COL24A1: variants seen among roughly 807,000 people sequenced by gnomAD.
COL24A1 encodes the protein collagen type XXIV alpha 1 chain.
A neutral mutation model predicts 253.9 loss-of-function variants in COL24A1; 224 were observed. The ratio of observed to expected loss-of-function variants is 0.88; its 90% CI spans 0.79 to 0.99. COL24A1 has a LOEUF of 0.99. Ranked by LOEUF, COL24A1 falls within the 50% of genes least tolerant of loss-of-function variation. COL24A1 has a pLI of 0.00. For synonymous variants in COL24A1, 685 were observed against 673.7 expected, an observed-to-expected ratio of 1.02 and a Z score of -0.26; for missense variants, 2,131 against 2,068.5, an observed-to-expected ratio of 1.03 and a Z score of -0.59.
At chr1:86,110,792 C>T (rs75877396) in intron 5 of COL24A1, among the ~76,000 whole-genome samples, 1 of 151,802 alleles carries the variant, frequency 6.6e-6, no homozygotes, top group African/African-American at 2.4e-5. Context: ...GGCAGGGCTC[C>T]GGACCTGCAG....
chr1:85,971,730 T>C (rs540659833), intron 20 of COL24A1, among the ~76,000 whole-genome samples: 5 of 152,264 alleles, frequency 3.3e-5, no homozygotes, highest in Admixed American at 3.3e-4. Flanking sequence ...AATAGAGTGT[T>C]CACAAAGTCT....
At chr1:85,978,877 C>T (rs1026636624) in intron 20 of COL24A1, among the ~76,000 whole-genome samples, 1 of 152,106 alleles carries the variant, frequency 6.6e-6, no homozygotes, top group African/African-American at 2.4e-5. Context: ...CCAACAACTG[C>T]AGAATAGACA....
intron 58 of COL24A1, among the ~76,000 whole-genome samples, chr1:85,735,415 A>T (rs1663942262): frequency 1.3e-5 from 2 of 152,280 alleles, no homozygotes; most frequent in South Asian, 4.2e-4. Context: ...TTTAATAAAA[A>T]TCTGAGATTC....
At chr1:85,837,040 C>T (rs990195660) in intron 43 of COL24A1, among the ~76,000 whole-genome samples, 10 of 152,084 alleles carry the variant, frequency 6.6e-5, no homozygotes, top group East Asian at 1.9e-4. Context: ...CTGGTTTTCC[C>T]GAGACTGTGT....
intron 7 of COL24A1, among the ~76,000 whole-genome samples, chr1:86,064,680 T>C (rs1442019675): frequency 6.6e-6 from 1 of 152,180 alleles, no homozygotes; most frequent in Non-Finnish European, 1.5e-5. Context: ...AAGACAAATT[T>C]CCTGGGTTTC....
chr1:85,771,396 C>T (rs2101316176), intron 53 of COL24A1, among the ~76,000 whole-genome samples: 1 of 152,212 alleles, frequency 6.6e-6, no homozygotes, highest in South Asian at 2.1e-4. Flanking sequence ...ATGATGGTTT[C>T]CAGCTTCATC....
chr1:85,745,408 C>T (rs776266265), intron 56 of COL24A1, 33 bp downstream of exon 56: 38 of 1,509,566 alleles, frequency 2.5e-5, no homozygotes, highest in East Asian at 9.3e-5. Context: ...TATTGAGAGA[C>T]AGTGCCAATA....
intron 20 of COL24A1, among the ~76,000 whole-genome samples, chr1:85,987,121 A>C (rs905590319): frequency 4.6e-5 from 7 of 151,842 alleles, no homozygotes; most frequent in African/African-American, 1.7e-4. Context: ...CATCATGATG[A>C]GTTTCAATAA....
chr1:85,767,068 C>T (rs1371333359), intron 53 of COL24A1, among the ~76,000 whole-genome samples: 1 of 151,686 alleles, frequency 6.6e-6, no homozygotes, highest in African/African-American at 2.4e-5. Context: ...TGCGCCACTG[C>T]ACTCCAGCCT....
intron 2 of COL24A1, among the ~76,000 whole-genome samples, chr1:86,145,814 C>T (rs1651797028): frequency 6.6e-6 from 1 of 151,826 alleles, no homozygotes; most frequent in African/African-American, 2.4e-5. Context: ...GTTTGCCACC[C>T]CCAAGAACTC....
chr1:85,977,903 G>T (rs1309151353), intron 20 of COL24A1, among the ~76,000 whole-genome samples: 2 of 152,038 alleles, frequency 1.3e-5, no homozygotes, highest in African/African-American at 4.8e-5. Flanking sequence ...ATCACAAAAA[G>T]ATCACCACCT....
At chr1:85,850,210 A>G (rs946658530) in intron 37 of COL24A1, among the ~76,000 whole-genome samples, 4 of 152,172 alleles carry the variant, frequency 2.6e-5, no homozygotes, top group African/African-American at 9.6e-5. Context: ...TGAGTTCCAC[A>G]GTAAGCCAGG....
chr1:85,736,480 C>T, intron 58 of COL24A1: 2 of 456,212 alleles, frequency 4.4e-6, no homozygotes, highest in South Asian at 3.1e-5. Flanking sequence ...TATCATGCTG[C>T]TCTTTATTAG....
intron 12 of COL24A1, among the ~76,000 whole-genome samples, chr1:86,040,301 T>C (rs142019502): frequency 1.3e-5 from 2 of 152,030 alleles, no homozygotes; most frequent in Non-Finnish European, 2.9e-5. Context: ...CTCTTTTTTT[T>C]TTCTTTTCTT....
chr1:85,870,076 A>T (rs1680271317), intron 35 of COL24A1, among the ~76,000 whole-genome samples: 4 of 152,212 alleles, frequency 2.6e-5, no homozygotes, highest in Admixed American at 2.6e-4. Flanking sequence ...ACTTTAAACC[A>T]ACAAAGATCA....
chr1:85,899,753 C>G (rs976700280), intron 28 of COL24A1, among the ~76,000 whole-genome samples: 1 of 152,160 alleles, frequency 6.6e-6, no homozygotes, highest in African/African-American at 2.4e-5. Flanking sequence ...CTGCATCTAG[C>G]TGGAGTAAGT....
intron 23 of COL24A1, among the ~76,000 whole-genome samples, chr1:85,963,597 T>C (rs188528915): frequency 6.4e-4 from 98 of 152,244 alleles, no homozygotes; most frequent in Non-Finnish European, 1.2e-3. Context: ...TAGGGTTCTA[T>C]GAAGAGTGTG....
At chr1:86,008,582 C>T (rs1214591459) in intron 19 of COL24A1, among the ~76,000 whole-genome samples, 1 of 152,152 alleles carries the variant, frequency 6.6e-6, no homozygotes, top group African/African-American at 2.4e-5. Context: ...TTTCCACTAA[C>T]ACCAGGAACA....
chr1:86,045,197 C>T (rs544895563), intron 12 of COL24A1, among the ~76,000 whole-genome samples: 17 of 152,080 alleles, frequency 1.1e-4, no homozygotes, highest in Non-Finnish European at 1.9e-4. Flanking sequence ...GCCATATTGG[C>T]CAGGCTGGTC....
Sources: gnomAD v4.1 joint callset for allele counts (sites outside exome capture counted in the v4.1 genomes callset) on GRCh38, gnomAD v4.1.1 for gene constraint, MANE v1.5 for transcripts, NCBI Gene and HGNC (gene_info 2026-07-23, HGNC 2026-07-21) for gene names.